GRIN2B: variants seen among roughly 807,000 people sequenced by gnomAD.
The protein encoded by GRIN2B is glutamate ionotropic receptor NMDA type subunit 2B.
A neutral mutation model predicts 114.5 loss-of-function variants in GRIN2B; 5 were observed. The ratio of observed to expected loss-of-function variants is 0.04; its 90% CI spans 0.02 to 0.09. The LOEUF is 0.09. Among genes scored for constraint, GRIN2B ranks in the 10% least tolerant of loss-of-function variants. The pLI, the probability that GRIN2B is intolerant of heterozygous loss-of-function variation, is 1.00. For missense variants in GRIN2B, 1,108 were observed against 1,943.5 expected (o/e 0.57, Z 8.08); for synonymous variants, 787 against 745.1 (o/e 1.06, Z -0.92).
In GRIN2B at chr12:13,618,315, AG is replaced by A. The variant is rs564931453; in HGVS notation, c.1126-1659del. Among the ~76,000 whole-genome samples, 377 of 152,294 alleles carry A rather than the reference AG, an allele frequency of 2.5e-3. 3 individuals are homozygous for A. Among genetic ancestry groups the A allele is most frequent in the African/African-American group, 8.6e-3 (359 of 41,582 alleles). On this transcript the variant is annotated intron_variant, in intron 5 of 13. Transcript: ENST00000609686. Reference sequence around the variant, plus strand: ...CTCCCCAAATAGGCCTATTTACCCTAGTGGCCAAACTGGTTTATATTCTGCA... The same window carrying A: ...CTCCCCAAATAGGCCTATTTACCCTATGGCCAAACTGGTTTATATTCTGCA...
intron 2 of GRIN2B, among the ~76,000 whole-genome samples, chr12:13,925,269 A>T (rs1222204014): frequency 1.3e-5 from 2 of 152,090 alleles, no homozygotes; most frequent in Non-Finnish European, 2.9e-5. Context: ...TTGACCCACG[A>T]CCCTGGTTTC....
intron 3 of GRIN2B, among the ~76,000 whole-genome samples, chr12:13,810,741 C>T (rs1864714752): frequency 6.6e-6 from 1 of 152,196 alleles, no homozygotes; most frequent in African/African-American, 2.4e-5. Context: ...AATGCCTATA[C>T]AGTGTCTGGC....
chr12:13,584,185 A>G (rs1191066483), intron 10 of GRIN2B, among the ~76,000 whole-genome samples: 1 of 152,118 alleles, frequency 6.6e-6, no homozygotes, highest in Admixed American at 6.5e-5. Context: ...CGCAGTTTCT[A>G]AAACTCACCA....
intron 5 of GRIN2B, among the ~76,000 whole-genome samples, chr12:13,645,683 T>C (rs1949754742): frequency 2.0e-5 from 3 of 151,798 alleles, no homozygotes; most frequent in Non-Finnish European, 2.9e-5. Flanking sequence ...CTTTTTTTTT[T>C]CTCTCCAAAC....
chr12:13,916,033 C>T (rs980084843), intron 2 of GRIN2B, among the ~76,000 whole-genome samples: 2 of 152,006 alleles, frequency 1.3e-5, no homozygotes, highest in African/African-American at 2.4e-5. Flanking sequence ...GAAGGGTCCT[C>T]CTGCAGTGGG....
intron 2 of GRIN2B, among the ~76,000 whole-genome samples, chr12:13,883,881 T>C (rs1385582114): frequency 1.3e-5 from 2 of 152,190 alleles, no homozygotes; most frequent in Non-Finnish European, 2.9e-5. Context: ...AAAGATTTTC[T>C]CCTGTTTTCC....
intron 5 of GRIN2B, among the ~76,000 whole-genome samples, chr12:13,663,998 A>G (rs1371922031): frequency 2.0e-5 from 3 of 152,188 alleles, no homozygotes; most frequent in African/African-American, 7.2e-5. Flanking sequence ...TGCTATTATA[A>G]TCCCCATTTT....
chr12:13,895,289 T>C (rs924420747), intron 2 of GRIN2B, among the ~76,000 whole-genome samples: 4 of 152,312 alleles, frequency 2.6e-5, no homozygotes, highest in Non-Finnish European at 2.9e-5. Context: ...CCCAGCATTA[T>C]GACTGTAAGA....
chr12:13,962,085 T>TACACACACACACAC (rs754107657), intron 2 of GRIN2B, among the ~76,000 whole-genome samples: 112 of 60,432 alleles, frequency 1.9e-3, no homozygotes, highest in South Asian at 6.3e-3. Flanking sequence ...GTCTCTCTCA[T>TACACACACACACAC]ACATACACAC....
At chr12:13,951,901 G>C (rs1197370720) in intron 2 of GRIN2B, among the ~76,000 whole-genome samples, 1 of 152,072 alleles carries the variant, frequency 6.6e-6, no homozygotes, top group Non-Finnish European at 1.5e-5. Flanking sequence ...AAAGAGAAGA[G>C]GGGAGAAAAA....
At chr12:13,587,457 C>A (rs914119756) in intron 10 of GRIN2B, among the ~76,000 whole-genome samples, 1 of 151,310 alleles carries the variant, frequency 6.6e-6, no homozygotes, top group Non-Finnish European at 1.5e-5. Context: ...TGGGCTCAAG[C>A]GATCTTCCCA....
At chr12:13,625,675 C>T (rs1949558022) in intron 5 of GRIN2B, among the ~76,000 whole-genome samples, 1 of 152,144 alleles carries the variant, frequency 6.6e-6, no homozygotes, top group African/African-American at 2.4e-5. Flanking sequence ...AATTCTACTT[C>T]CCAAGCTTTT....
At chr12:13,944,264 G>C (rs1867324504) in intron 2 of GRIN2B, among the ~76,000 whole-genome samples, 2 of 152,148 alleles carry the variant, frequency 1.3e-5, no homozygotes, top group African/African-American at 4.8e-5. Flanking sequence ...CTGTTGAGGA[G>C]AGGTAATATT....
In GRIN2B at chr12:13,968,112, C is replaced by T. The variant is rs574050349; in HGVS notation, c.-19+11816G>A. 8.5e-5 allele frequency among the ~76,000 whole-genome samples: 13 copies of T among 152,328 alleles called. No homozygotes were observed. The East Asian group carries it at 2.3e-3, about 27-fold the overall frequency. On this transcript the variant is annotated intron_variant, in intron 2 of 13. Coordinates refer to ENST00000609686, the MANE Select transcript of GRIN2B (RefSeq NM_000834.5). ...GGAGACATAGACCAAAGATTAAAAA[C>T]TGCAGGTCACAATGTCTAGGTGCCA...
intron 10 of GRIN2B, among the ~76,000 whole-genome samples, chr12:13,572,463 T>C (rs973120842): frequency 2.0e-5 from 3 of 152,214 alleles, no homozygotes; most frequent in Non-Finnish European, 4.4e-5. Flanking sequence ...GTATCAAATA[T>C]GTTTTGCTAA....
chr12:13,589,710 AC>A (rs1410974044), intron 10 of GRIN2B, among the ~76,000 whole-genome samples: 2 of 152,240 alleles, frequency 1.3e-5, no homozygotes, highest in African/African-American at 4.8e-5. Context: ...TAACAGATAC[AC>A]AGGATAAGTC....
chr12:13,582,967 A>C (rs574685485), intron 10 of GRIN2B, among the ~76,000 whole-genome samples: 2 of 152,184 alleles, frequency 1.3e-5, no homozygotes, highest in African/African-American at 4.8e-5. Context: ...TATTTCATAA[A>C]ATCAGATAAT....
At chr12:13,686,974 T>C (rs778283063) in intron 4 of GRIN2B, among the ~76,000 whole-genome samples, 10 of 151,950 alleles carry the variant, frequency 6.6e-5, no homozygotes, top group Non-Finnish European at 1.0e-4. Context: ...TTAAAAAGAG[T>C]CTGGGTGCAC....
chr12:13,754,533 C>CA (rs1392948884), intron 3 of GRIN2B, among the ~76,000 whole-genome samples: 2 of 152,136 alleles, frequency 1.3e-5, no homozygotes, highest in African/African-American at 4.8e-5. Flanking sequence ...ATACAGATAT[C>CA]AGGGAGAAGT....
Sources: allele counts gnomAD v4.1 joint callset (sites outside exome capture counted in the v4.1 genomes callset), GRCh38; gene constraint gnomAD v4.1.1; transcripts MANE v1.5; gene names NCBI Gene and HGNC (gene_info 2026-07-23, HGNC 2026-07-21).